The following DCC variants were observed in gnomAD, a reference collection of about 807,000 sequenced individuals.
The protein encoded by DCC is netrin receptor DCC.
Under a neutral mutation model 172.5 loss-of-function variants are expected in DCC, and 58 were observed. That is an observed-to-expected ratio of 0.34 (90% CI 0.27 to 0.42). The LOEUF is 0.42. Ranked by LOEUF, DCC falls within the 10% of genes least tolerant of loss-of-function variation. The pLI is 1.00. For synonymous variants in DCC, 709 were observed against 644.5 expected (o/e 1.10, Z -1.52); for missense variants, 1,740 against 1,791.0 (o/e 0.97, Z 0.51).
chr18:53,299,466 T>C (rs1253485859), intron 12 of DCC, among the ~76,000 whole-genome samples: 1 of 152,200 alleles, frequency 6.6e-6, no homozygotes, highest in East Asian at 1.9e-4. Flanking sequence ...TATTTCCTGT[T>C]TTAAATACCA....
At chr18:53,316,593 T>C (rs1030426156) in intron 13 of DCC, among the ~76,000 whole-genome samples, 4 of 152,216 alleles carry the variant, frequency 2.6e-5, no homozygotes, top group African/African-American at 9.6e-5. Context: ...TCCATGAGCA[T>C]GGAATGTTTT....
At chr18:52,421,167 G>A (rs1362079183) in intron 1 of DCC, among the ~76,000 whole-genome samples, 1 of 152,098 alleles carries the variant, frequency 6.6e-6, no homozygotes, top group Non-Finnish European at 1.5e-5. Context: ...GTTCTTATGA[G>A]CCCCTGTAAC....
chr18:53,454,396 G>T (rs2045457727), intron 23 of DCC, among the ~76,000 whole-genome samples: 2 of 152,078 alleles, frequency 1.3e-5, no homozygotes, highest in African/African-American at 4.8e-5. Context: ...CTGTTTCTCT[G>T]TTTTTTAATA....
chr18:53,429,099 ATATATAATATATATATTT>A (rs1293413505), intron 21 of DCC, among the ~76,000 whole-genome samples: 33 of 71,456 alleles, frequency 4.6e-4, no homozygotes, highest in Admixed American at 2.0e-3. Context: ...TATATATTTT[ATATATAATATATATATTT>A]TATATATATA....
chr18:52,451,161 C>A (rs185386001), intron 1 of DCC, among the ~76,000 whole-genome samples: 1 of 152,084 alleles, frequency 6.6e-6, no homozygotes, highest in African/African-American at 2.4e-5. Context: ...GTATGTCTTT[C>A]CTCCCTCCCT....
At chr18:52,550,285 C>T (rs2032732116) in intron 1 of DCC, among the ~76,000 whole-genome samples, 1 of 151,812 alleles carries the variant, frequency 6.6e-6, no homozygotes, top group Admixed American at 6.6e-5. Flanking sequence ...CTGTCACAGG[C>T]ACAACGAGCC....
intron 12 of DCC, among the ~76,000 whole-genome samples, chr18:53,277,433 C>A (rs1043205200): frequency 6.6e-6 from 1 of 152,158 alleles, no homozygotes; most frequent in African/African-American, 2.4e-5. Context: ...CTGAGGATTC[C>A]TCCAGCACTT....
At chr18:52,622,342 T>C (rs1205216621) in intron 1 of DCC, among the ~76,000 whole-genome samples, 1 of 152,208 alleles carries the variant, frequency 6.6e-6, no homozygotes, top group African/African-American at 2.4e-5. Context: ...AGAATGGGTA[T>C]TGGGGTCATG....
At chr18:52,415,055 C>G (rs995400813) in intron 1 of DCC, among the ~76,000 whole-genome samples, 1 of 152,200 alleles carries the variant, frequency 6.6e-6, no homozygotes, top group Non-Finnish European at 1.5e-5. Context: ...ATGGGCTTCC[C>G]TGAATGCTTT....
At chr18:53,367,814 G>T (rs2058022368) in intron 15 of DCC, among the ~76,000 whole-genome samples, 1 of 151,956 alleles carries the variant, frequency 6.6e-6, no homozygotes, top group Non-Finnish European at 1.5e-5. Context: ...TTAGCATAAG[G>T]GCCTGAAGAT....
At chr18:52,725,140 C>T (rs1384026234) in intron 1 of DCC, among the ~76,000 whole-genome samples, 1 of 152,132 alleles carries the variant, frequency 6.6e-6, no homozygotes, top group African/African-American at 2.4e-5. Flanking sequence ...CACAGAGGGC[C>T]ACACTTCCTC....
rs147011511 is a variant in DCC at position 52,351,025 on chromosome 18, T to G, written c.91+10147T>G. ...CCACAATTCCAAATGAGATAAGGCT[T>G]TAAAGAAAGAAAATACTGTAGGAAA... On this transcript the variant is annotated intron_variant, in intron 1 of 28. Transcript: ENST00000442544. 1.9e-4 allele frequency among the ~76,000 whole-genome samples: 29 copies of G among 152,266 alleles called. No individual in the cohort carries two copies. In the East Asian group the frequency reaches 5.6e-3, roughly 29 times the overall value.
chr18:52,763,117 T>A (rs1353500221), intron 2 of DCC, among the ~76,000 whole-genome samples: 1 of 151,930 alleles, frequency 6.6e-6, no homozygotes, highest in Non-Finnish European at 1.5e-5. Flanking sequence ...ATACACATTT[T>A]AAAAATCTGC....
intron 5 of DCC, among the ~76,000 whole-genome samples, chr18:53,017,260 T>G (rs2041821668): frequency 6.6e-6 from 1 of 152,074 alleles, no homozygotes; most frequent in Non-Finnish European, 1.5e-5. Flanking sequence ...AATGTTAATT[T>G]TCTTATGCTT....
At chr18:52,554,740 T>C (rs1226330582) in intron 1 of DCC, among the ~76,000 whole-genome samples, 5 of 152,066 alleles carry the variant, frequency 3.3e-5, no homozygotes, top group African/African-American at 1.2e-4. Flanking sequence ...TCAGAGACAT[T>C]TACAGACCAA....
At chr18:52,786,211 T>C (rs1261581303) in intron 2 of DCC, among the ~76,000 whole-genome samples, 5 of 152,076 alleles carry the variant, frequency 3.3e-5, no homozygotes, top group Non-Finnish European at 7.4e-5. Flanking sequence ...GGGCATCCTA[T>C]TTACTTTCAC....
chr18:53,087,606 G>A (rs1270764654), intron 7 of DCC, among the ~76,000 whole-genome samples: 49 of 152,236 alleles, frequency 3.2e-4, no homozygotes, highest in African/African-American at 1.1e-3. Flanking sequence ...CTTGAGTTTA[G>A]TTAGATCCCA....
At chr18:52,739,301 T>G (rs2036779079) in intron 1 of DCC, among the ~76,000 whole-genome samples, 1 of 152,176 alleles carries the variant, frequency 6.6e-6, no homozygotes, top group African/African-American at 2.4e-5. Context: ...TGTTATGATT[T>G]TTCTTTCACT....
chr18:53,046,901 G>C (rs2042246075), intron 5 of DCC, among the ~76,000 whole-genome samples: 1 of 151,642 alleles, frequency 6.6e-6, no homozygotes, highest in Non-Finnish European at 1.5e-5. Flanking sequence ...GCCAGAGCTG[G>C]GAGTCAGAGC....
Sources: allele counts gnomAD v4.1 joint callset (sites outside exome capture counted in the v4.1 genomes callset), GRCh38; gene constraint gnomAD v4.1.1; transcripts MANE v1.5; gene names NCBI Gene and HGNC (gene_info 2026-07-23, HGNC 2026-07-21).